Variants in RAI1 observed in about 807,000 individuals in gnomAD.
RAI1 encodes the protein retinoic acid induced 1, also known as retinoic acid-induced protein 1.
RAI1 carries 9 observed loss-of-function variants against 123.8 expected under a neutral mutation model. The ratio of observed to expected loss-of-function variants is 0.07; its 90% CI spans 0.04 to 0.13. The LOEUF (loss-of-function observed/expected upper bound fraction) is 0.13. Among genes scored for constraint, RAI1 ranks in the 10% least tolerant of loss-of-function variants. RAI1 has a pLI of 1.00. For synonymous variants in RAI1, 1,231 were observed against 1,127.3 expected (o/e 1.09, Z -1.84); for missense variants, 2,256 against 2,545.8 (o/e 0.89, Z 2.45).
intron 1 of RAI1, among the ~76,000 whole-genome samples, chr17:17,691,593 G>A (rs1359814766): frequency 1.3e-5 from 2 of 152,354 alleles, no homozygotes; most frequent in African/African-American, 4.8e-5. Flanking sequence ...GGCAGAAAGT[G>A]CAGGAGTGTG....
chr17:17,707,589 C>G (rs906131318), intron 1 of RAI1, among the ~76,000 whole-genome samples: 1 of 152,062 alleles, frequency 6.6e-6, no homozygotes, highest in Non-Finnish European at 1.5e-5. Context: ...GAGAGGGTTC[C>G]TGGAAGACTG....
chr17:17,752,636 C>G (rs920936518), intron 2 of RAI1, among the ~76,000 whole-genome samples: 3 of 152,372 alleles, frequency 2.0e-5, no homozygotes, highest in African/African-American at 7.2e-5. Flanking sequence ...TAATCCTCAT[C>G]CGGCCGTGGG....
At chr17:17,730,305 A>T (rs1402880290) in intron 2 of RAI1, among the ~76,000 whole-genome samples, 1 of 152,218 alleles carries the variant, frequency 6.6e-6, no homozygotes, top group African/African-American at 2.4e-5. Context: ...GCAAACTGTT[A>T]CTTGGAGGAG....
rs141039036 is a variant in RAI1, at chr17:17,795,138, G to A, written c.2190G>A (p.Pro730=). ...DPTTAAFDCF[P]DTTAASSADS... ...CTACAGCAGCTTTTGACTGTTTCCC[G>A]GACACAACCGCTGCCAGCTCAGCGG... Residue 730 remains proline (P), a synonymous_variant, in exon 3 of 6, where the codon CCG becomes CCA. Transcript: ENST00000353383. This position sits in a 1 kb window ranked among gnomAD's most constrained non-coding sequence, Gnocchi z 5.9. 15 of 1,613,890 alleles carry A rather than the reference G, an allele frequency of 9.3e-6. No homozygotes were observed. Among genetic ancestry groups the A allele is most frequent in the South Asian group, 4.4e-5 (4 of 91,090 alleles).
intron 2 of RAI1, among the ~76,000 whole-genome samples, chr17:17,748,757 G>A (rs2030028895): frequency 6.6e-6 from 1 of 152,168 alleles, no homozygotes; most frequent in Non-Finnish European, 1.5e-5. Flanking sequence ...GCAGGGCTTG[G>A]TAGCACTGGA....
chr17:17,765,503 A>C (rs1456456947), intron 2 of RAI1, among the ~76,000 whole-genome samples: 1 of 152,280 alleles, frequency 6.6e-6, no homozygotes, highest in Non-Finnish European at 1.5e-5. Context: ...CTGAGTGTGC[A>C]GCCCCAAACG....
intron 2 of RAI1, among the ~76,000 whole-genome samples, chr17:17,790,731 T>C (rs1012258044): frequency 4.6e-5 from 7 of 152,244 alleles, no homozygotes; most frequent in African/African-American, 1.4e-4. Flanking sequence ...TGTGCAGATA[T>C]ACGAGGCGCA....
chr17:17,720,829 G>T (rs554713225), intron 1 of RAI1, among the ~76,000 whole-genome samples: 3 of 152,220 alleles, frequency 2.0e-5, no homozygotes, highest in Admixed American at 6.5e-5. Flanking sequence ...CCAGGTCAGG[G>T]TTTCCATCAC....
chr17:17,709,978 C>T (rs1351652988), intron 1 of RAI1, among the ~76,000 whole-genome samples: 5 of 152,150 alleles, frequency 3.3e-5, no homozygotes, highest in Admixed American at 2.0e-4. Flanking sequence ...TCACAGTACA[C>T]GGACATGCTC....
intron 1 of RAI1, among the ~76,000 whole-genome samples, chr17:17,702,240 G>T (rs1005087852): frequency 5.9e-5 from 9 of 152,200 alleles, no homozygotes; most frequent in Admixed American, 4.6e-4. Context: ...GGCTGGAGAG[G>T]TGGGCAGAGG....
Position 17,687,128 on chromosome 17 carries a change from G to A in RAI1, c.-149+5335G>A, listed in dbSNP as rs529985278. On this transcript the variant is annotated intron_variant, in intron 1 of 5. Transcript: ENST00000353383. Reference sequence around the variant, plus strand: ...CTCCCAAGTAGCTGGGATTACAGGCGCCCACCACCACGCCCGGCTAGTTGA... The same window carrying A: ...CTCCCAAGTAGCTGGGATTACAGGCACCCACCACCACGCCCGGCTAGTTGA... Among the ~76,000 whole-genome samples the A allele has an allele frequency of 4.5e-4, 68 of 152,198 alleles. No homozygotes were observed. The South Asian group carries it at 9.6e-3, about 21-fold the overall frequency.
intron 2 of RAI1, among the ~76,000 whole-genome samples, chr17:17,786,901 C>T (rs2031844681): frequency 6.6e-6 from 1 of 152,176 alleles, no homozygotes; most frequent in African/African-American, 2.4e-5. Context: ...TGGAGAAACC[C>T]TGTCTCTACT....
At chr17:17,690,925 T>C (rs1914815698) in intron 1 of RAI1, among the ~76,000 whole-genome samples, 1 of 152,176 alleles carries the variant, frequency 6.6e-6, no homozygotes, top group South Asian at 2.1e-4. Flanking sequence ...GGTGCTTTGA[T>C]AGTGATTCCT....
intron 1 of RAI1, among the ~76,000 whole-genome samples, chr17:17,701,575 T>A (rs1915225499): frequency 6.6e-6 from 1 of 152,172 alleles, no homozygotes; most frequent in African/African-American, 2.4e-5. Flanking sequence ...CTCTCTTCCA[T>A]GTCCCCTTGT....
At chr17:17,774,036 G>T (rs542899321) in intron 2 of RAI1, among the ~76,000 whole-genome samples, 1 of 152,136 alleles carries the variant, frequency 6.6e-6, no homozygotes, top group East Asian at 1.9e-4. Flanking sequence ...CTTACAAGCT[G>T]TGTGACTTTG....
In RAI1 at chr17:17,795,539, A is replaced by G. The variant is rs1304130987; in HGVS notation, c.2591A>G (p.Asp864Gly). ...CTGCCACCCACCAGCAGGAAGGAGG[A>G]CCTGGAAGCTGAGGAGGAGTACTCC... ...PLLPPTSRKE[D>G]LEAEEEYSSL... The change falls in exon 3 of 6, where the codon GAC (aspartate) becomes GGC (glycine). Residue 864 changes from aspartate (D) to glycine (G), a missense_variant. Asp to Gly is a moderately conservative substitution (Grantham distance 94). Around this residue, in one of 7 missense-constraint regions of RAI1, gnomAD observed 566 missense variants for 616.0 expected, o/e 0.92. Transcript: ENST00000353383. This position sits in a 1 kb window ranked among gnomAD's most constrained non-coding sequence, Gnocchi z 5.9. The G allele has an allele frequency of 1.2e-6, 2 of 1,603,632 alleles. No individual in the cohort carries two copies. Among genetic ancestry groups the G allele is most frequent in the Non-Finnish European group, 1.7e-6 (2 of 1,175,322 alleles).
At position 17,793,509 on chromosome 17, in the gene RAI1, G is replaced by A; in HGVS notation, c.561G>A (p.Lys187=). 6.2e-7 allele frequency: 1 copy of A among 1,614,022 alleles called. No homozygotes were observed. The highest frequency in any genetic ancestry group is 1.3e-5 in the African/African-American group (1 of 75,038). ...PPPQQPLAYP[K]LQRQKLQNDI... ...CCCAGCAGCCCCTGGCATACCCCAAGCTCCAAAGGCAGAAGCTGCAGAACG... is the reference window on the plus strand; with the variant it reads ...CCCAGCAGCCCCTGGCATACCCCAAACTCCAAAGGCAGAAGCTGCAGAACG... The change falls in exon 3 of 6, where the codon AAG becomes AAA. Residue 187 remains lysine (K), a synonymous_variant. Coordinates refer to ENST00000353383, the MANE Select transcript of RAI1 (RefSeq NM_030665.4).
At chr17:17,764,534 G>A (rs1458944530) in intron 2 of RAI1, among the ~76,000 whole-genome samples, 1 of 147,398 alleles carries the variant, frequency 6.8e-6, no homozygotes, top group Non-Finnish European at 1.5e-5. Context: ...GTGCAGTGGT[G>A]CGATCTCGCC....
intron 2 of RAI1, among the ~76,000 whole-genome samples, chr17:17,733,593 C>T (rs1415892780): frequency 1.3e-5 from 2 of 152,146 alleles, no homozygotes; most frequent in Non-Finnish European, 2.9e-5. Flanking sequence ...AGTGACATGG[C>T]ACGCCCCAGG....
Sources: allele counts gnomAD v4.1 joint callset (sites outside exome capture counted in the v4.1 genomes callset), GRCh38; gene constraint gnomAD v4.1.1; regional missense constraint gnomAD v4.1.1; non-coding constraint Gnocchi (gnomAD v3.1); transcripts MANE v1.5; gene names NCBI Gene and HGNC (gene_info 2026-07-23, HGNC 2026-07-21).